The following THADA variants were observed in gnomAD, a reference collection of about 807,000 sequenced individuals.
The protein encoded by THADA is THADA armadillo repeat containing.
Under a neutral mutation model 219.8 loss-of-function variants are expected in THADA, and 213 were observed. The ratio of observed to expected loss-of-function variants is 0.97; its 90% CI spans 0.87 to 1.09. The LOEUF is 1.09. THADA is among the 50% of genes least tolerant of loss of function. The pLI is 0.00. For missense variants in THADA, 2,956 were observed against 2,311.3 expected (o/e 1.28, Z -5.72); for synonymous variants, 1,018 against 828.9 (o/e 1.23, Z -3.92).
At chr2:43,313,437 G>A (rs79571526) in intron 31 of THADA, among the ~76,000 whole-genome samples, 3,411 of 152,260 alleles carry the variant, frequency 0.022, 62 homozygotes, top group Non-Finnish European at 0.034. Flanking sequence ...ATTGCACTTG[G>A]CAGAGTGATG....
intron 29 of THADA, among the ~76,000 whole-genome samples, chr2:43,349,874 G>C (rs978508967): frequency 2.0e-5 from 3 of 152,130 alleles, no homozygotes; most frequent in African/African-American, 7.2e-5. Context: ...GAATATTTTT[G>C]ACCCTATCAC....
chr2:43,576,873 T>G, intron 10 of THADA, 149 bp downstream of exon 10: 2 of 695,298 alleles, frequency 2.9e-6, no homozygotes, highest in South Asian at 1.8e-5. Context: ...AAGGCTGGTT[T>G]TGAACTCCTG....
chr2:43,543,786 A>T (rs1695640189), intron 20 of THADA, among the ~76,000 whole-genome samples: 1 of 151,914 alleles, frequency 6.6e-6, no homozygotes, highest in Non-Finnish European at 1.5e-5. Flanking sequence ...TTGTCAGATG[A>T]GTAGGTTGCG....
At chr2:43,564,335 G>A (rs1294972376) in intron 15 of THADA, 1 of 152,196 alleles carries the variant, frequency 6.6e-6, no homozygotes, top group Non-Finnish European at 1.5e-5. Flanking sequence ...GTGTCAGTAG[G>A]GCCATGCACT....
intron 30 of THADA, among the ~76,000 whole-genome samples, chr2:43,322,058 C>T (rs1019817048): frequency 2.6e-5 from 4 of 151,576 alleles, no homozygotes; most frequent in African/African-American, 9.7e-5. Flanking sequence ...TTTTTTGAGA[C>T]AGAGTCTCGC....
intron 16 of THADA, among the ~76,000 whole-genome samples, chr2:43,559,666 C>T (rs574462457): frequency 6.6e-6 from 1 of 152,156 alleles, no homozygotes; most frequent in African/African-American, 2.4e-5. Context: ...ATTCCTACCC[C>T]AAAGTGGGAA....
At chr2:43,377,367 C>A (rs1290975128) in intron 29 of THADA, among the ~76,000 whole-genome samples, 1 of 152,104 alleles carries the variant, frequency 6.6e-6, no homozygotes, top group Non-Finnish European at 1.5e-5. Context: ...ATGATGTTTC[C>A]CCCTCCTCTT....
chr2:43,395,159 A>C (rs1673872578), intron 29 of THADA, among the ~76,000 whole-genome samples: 1 of 152,198 alleles, frequency 6.6e-6, no homozygotes, highest in Non-Finnish European at 1.5e-5. Flanking sequence ...CAACCAAACT[A>C]CTTGGATAAA....
At chr2:43,310,722 C>A (rs1172261204) in intron 31 of THADA, among the ~76,000 whole-genome samples, 1 of 152,110 alleles carries the variant, frequency 6.6e-6, no homozygotes, top group East Asian at 1.9e-4. Context: ...CAATAAAAAA[C>A]AGATACAATG....
intron 31 of THADA, among the ~76,000 whole-genome samples, chr2:43,296,063 G>T (rs1418354692): frequency 6.6e-6 from 1 of 151,936 alleles, no homozygotes; most frequent in East Asian, 1.9e-4. Context: ...GGGATTACAG[G>T]AGCATGCCAC....
At chr2:43,556,690 T>G in intron 16 of THADA, 135 bp from the exon 17 acceptor site, 1 of 757,872 alleles carries the variant, frequency 1.3e-6, no homozygotes, top group Non-Finnish European at 2.1e-6. Context: ...CTCAAGAGGC[T>G]GATGGAGGAG....
chr2:43,481,210 T>C (rs897157647), intron 26 of THADA, among the ~76,000 whole-genome samples: 3 of 152,170 alleles, frequency 2.0e-5, no homozygotes, highest in Non-Finnish European at 1.5e-5. Flanking sequence ...ACTAAAATGC[T>C]AAGAAAAATA....
chr2:43,304,165 G>A (rs10179816), intron 31 of THADA, among the ~76,000 whole-genome samples: 18,965 of 151,930 alleles, frequency 0.12, 1,310 homozygotes, highest in African/African-American at 0.16. Flanking sequence ...TCACTCTTAC[G>A]TCACTCATCA....
chr2:43,430,101 AT>A (rs1158307770), intron 27 of THADA, 111 bp downstream of exon 27: 1 of 550,392 alleles, frequency 1.8e-6, no homozygotes, highest in African/African-American at 2.0e-5. Flanking sequence ...ATTTAAACAA[AT>A]TTAAAAAAGG....
In THADA at chr2:43,279,773, T is replaced by A. The variant is rs766962838; in HGVS notation, c.5288A>T (p.Gln1763Leu). 1 of 1,549,076 alleles carries A rather than the reference T, an allele frequency of 6.5e-7. No individual in the cohort carries two copies. Among genetic ancestry groups the A allele is most frequent in the Non-Finnish European group, 8.7e-7 (1 of 1,146,172 alleles). The change falls in exon 36 of 38, where the codon CAG becomes CTG. Residue 1763 changes from glutamine (Q) to leucine (L), a missense_variant. By Grantham distance (113) the Gln-to-Leu change is moderately radical (BLOSUM62 -2). Transcript: ENST00000405975. ...TTAMSQENTC[Q>L]STEFAFCQVD... Reference sequence around the variant, plus strand: ...GGATAAGAACGAGGTACCTGTTGACTGGCAGGTATTTTCTTGTGACATGGC... The same window carrying A: ...GGATAAGAACGAGGTACCTGTTGACAGGCAGGTATTTTCTTGTGACATGGC...
chr2:43,480,537 C>A (rs577488677), intron 26 of THADA, among the ~76,000 whole-genome samples: 2 of 152,136 alleles, frequency 1.3e-5, no homozygotes, highest in South Asian at 4.1e-4. Flanking sequence ...TTAATATTAC[C>A]CTGGCCGCTC....
chr2:43,571,697 G>A lies in THADA; in HGVS notation c.2064+10C>T. 1 of 1,602,048 alleles carries A rather than the reference G, an allele frequency of 6.2e-7. No homozygotes were observed. Among genetic ancestry groups the A allele is most frequent in the Non-Finnish European group, 8.5e-7 (1 of 1,174,072 alleles). On this transcript the variant is annotated intron_variant, in intron 13 of 37. Coordinates refer to ENST00000405975, the MANE Select transcript of THADA (RefSeq NM_022065.5). ...ACCACTTCCCTATGCCTTCTGATGG[G>A]AAATTCTACCTTTTTAAGAAGAGAA...
intron 19 of THADA, among the ~76,000 whole-genome samples, chr2:43,549,831 G>C (rs1461223915): frequency 6.6e-6 from 1 of 151,856 alleles, no homozygotes; most frequent in Non-Finnish European, 1.5e-5. Flanking sequence ...ATAGAAAATA[G>C]ATTATTTCCC....
Position 43,578,617 on chromosome 2 carries a change from A to C in THADA, c.722-10T>G. The C allele has an allele frequency of 6.4e-7, 1 of 1,561,510 alleles. No homozygotes were observed. Reference sequence around the variant, plus strand: ...GTCTGTAACAGATCATCTATTTGGCAAAAAAGGAGAGAAGCTTGTGTTAAA... The same window carrying C: ...GTCTGTAACAGATCATCTATTTGGCCAAAAAGGAGAGAAGCTTGTGTTAAA... On this transcript the variant is annotated splice_polypyrimidine_tract_variant and intron_variant, in intron 8 of 37. Coordinates refer to ENST00000405975, the MANE Select transcript of THADA (RefSeq NM_022065.5).
Sources: allele counts gnomAD v4.1 joint callset (sites outside exome capture counted in the v4.1 genomes callset), GRCh38; gene constraint gnomAD v4.1.1; transcripts MANE v1.5; gene names NCBI Gene and HGNC (gene_info 2026-07-23, HGNC 2026-07-21).